Variants in FOXP1 observed in about 807,000 individuals in gnomAD.
The protein encoded by FOXP1 is forkhead box protein P1.
A neutral mutation model predicts 98.2 loss-of-function variants in FOXP1; 15 were observed. That is an observed-to-expected ratio of 0.15 (90% CI 0.10 to 0.24). The LOEUF is 0.24. Ranked by LOEUF, FOXP1 falls within the 10% of genes least tolerant of loss-of-function variation. The pLI is 1.00. For synonymous variants in FOXP1, 371 were observed against 314.5 expected, an observed-to-expected ratio of 1.18 and a Z score of -1.90; for missense variants, 633 against 848.5, an observed-to-expected ratio of 0.75 and a Z score of 3.15.
intron 19 of FOXP1, 48 bp from the exon 20 acceptor site, chr3:70,966,104 CAAGG>C (rs768432390): frequency 3.6e-5 from 54 of 1,488,426 alleles, no homozygotes; most frequent in Non-Finnish European, 5.1e-5. Context: ...GTATGTAAGA[CAAGG>C]AAACTACTAA....
chr3:71,548,814 A>C lies in FOXP1; in HGVS notation c.-298+32735T>G, dbSNP rs528078340. Among the ~76,000 whole-genome samples the C allele has an allele frequency of 9.2e-5, 14 of 152,160 alleles. No homozygotes were observed. In the South Asian group the frequency reaches 2.9e-3, roughly 32 times the overall value. On this transcript the variant is annotated intron_variant, in intron 2 of 20. Coordinates refer to ENST00000649528, the MANE Select transcript of FOXP1 (RefSeq NM_001349338.3). ...GTCAAAATAAAAAGACAAAGCTAAT[A>C]CTAATAAGAATCACTAATATTTCAT... is the stretch of plus-strand genomic sequence containing the variant.
chr3:71,324,323 T>C (rs955302303), intron 4 of FOXP1, among the ~76,000 whole-genome samples: 10 of 152,238 alleles, frequency 6.6e-5, no homozygotes, highest in Middle Eastern at 3.4e-3. Context: ...ACACGTATGT[T>C]TACTGAGGCA....
At chr3:71,410,084 CTCAG>C (rs1447831344) in intron 3 of FOXP1, among the ~76,000 whole-genome samples, 3 of 152,188 alleles carry the variant, frequency 2.0e-5, no homozygotes, top group Non-Finnish European at 2.9e-5. Flanking sequence ...TTTTACCTCT[CTCAG>C]TGTCAGCTCC....
chr3:70,973,326 C>T (rs1002777277), intron 17 of FOXP1, among the ~76,000 whole-genome samples: 15 of 141,460 alleles, frequency 1.1e-4, no homozygotes, highest in African/African-American at 2.8e-4. Flanking sequence ...CCCTAACTAT[C>T]GGCAAGTATT....
At chr3:71,038,188 T>A (rs2047862042) in intron 11 of FOXP1, among the ~76,000 whole-genome samples, 1 of 152,204 alleles carries the variant, frequency 6.6e-6, no homozygotes, top group South Asian at 2.1e-4. Context: ...GTTGAGATCA[T>A]TAGCCATCTC....
At chr3:71,269,933 G>A (rs1377060628) in intron 5 of FOXP1, among the ~76,000 whole-genome samples, 1 of 152,206 alleles carries the variant, frequency 6.6e-6, no homozygotes, top group Non-Finnish European at 1.5e-5. Flanking sequence ...CAATAAGTTA[G>A]AGGCAGGGGG....
intron 12 of FOXP1, among the ~76,000 whole-genome samples, chr3:71,008,962 G>C (rs1283178741): frequency 6.6e-6 from 1 of 152,088 alleles, no homozygotes; most frequent in East Asian, 1.9e-4. Flanking sequence ...TGACAGATGG[G>C]ATTTTTATCC....
chr3:71,342,264 G>A (rs968075772), intron 4 of FOXP1, among the ~76,000 whole-genome samples: 6 of 152,310 alleles, frequency 3.9e-5, no homozygotes, highest in East Asian at 1.9e-4. Context: ...GAAACCATGT[G>A]ATGTGGTCTG....
intron 6 of FOXP1, among the ~76,000 whole-genome samples, chr3:71,129,091 A>G (rs1163329427): frequency 6.6e-6 from 1 of 152,166 alleles, no homozygotes; most frequent in Non-Finnish European, 1.5e-5. Context: ...AAAACGAGCG[A>G]GCTGGGAAAT....
intron 3 of FOXP1, among the ~76,000 whole-genome samples, chr3:71,484,656 G>A (rs193280671): frequency 4.7e-4 from 72 of 152,244 alleles, no homozygotes; most frequent in Non-Finnish European, 6.8e-4. Context: ...TGACATGGTC[G>A]GGGTTACGGT....
chr3:71,582,664 C>G, intron 1 of FOXP1: 1 of 985,374 alleles, frequency 1.0e-6, no homozygotes, highest in Non-Finnish European at 1.2e-6. Flanking sequence ...CCGGGCGCGG[C>G]GACTCCTCGC....
At chr3:71,449,762 T>C (rs1231005654) in intron 3 of FOXP1, among the ~76,000 whole-genome samples, 2 of 152,236 alleles carry the variant, frequency 1.3e-5, no homozygotes, top group Non-Finnish European at 2.9e-5. Flanking sequence ...ATCTGACCAC[T>C]CGAATTGAGG....
intron 3 of FOXP1, among the ~76,000 whole-genome samples, chr3:71,439,991 A>AC (rs1404912816): frequency 6.6e-6 from 1 of 151,434 alleles, no homozygotes; most frequent in Admixed American, 6.6e-5. Flanking sequence ...ATCCTGCTGT[A>AC]ACAGGCACGT....
intron 2 of FOXP1, among the ~76,000 whole-genome samples, chr3:71,495,845 G>A (rs533100163): frequency 3.9e-5 from 6 of 152,264 alleles, no homozygotes; most frequent in African/African-American, 1.4e-4. Flanking sequence ...GACCATGCTG[G>A]TACTAACAAT....
At chr3:71,132,170 C>T (rs1005753933) in intron 6 of FOXP1, among the ~76,000 whole-genome samples, 1 of 152,210 alleles carries the variant, frequency 6.6e-6, no homozygotes, top group Admixed American at 6.5e-5. Context: ...AGGCACACAG[C>T]CTGGGCGCCA....
intron 3 of FOXP1, among the ~76,000 whole-genome samples, chr3:71,424,162 G>A (rs1048349785): frequency 6.6e-5 from 10 of 152,060 alleles, no homozygotes; most frequent in Admixed American, 3.9e-4. Context: ...AAAGAACTGC[G>A]CTGAAGGATG....
intron 2 of FOXP1, among the ~76,000 whole-genome samples, chr3:71,535,863 A>G (rs1179762754): frequency 6.6e-6 from 1 of 152,144 alleles, no homozygotes; most frequent in Non-Finnish European, 1.5e-5. Context: ...CTTCTAATAC[A>G]CACAACGCCT....
chr3:70,962,593 T>C (rs759744946), intron 20 of FOXP1, among the ~76,000 whole-genome samples: 1 of 152,260 alleles, frequency 6.6e-6, no homozygotes, highest in Non-Finnish European at 1.5e-5. Context: ...TTTCAAACTT[T>C]CATTGTTGAG....
chr3:71,291,844 C>T (rs2072783003), intron 5 of FOXP1, among the ~76,000 whole-genome samples: 1 of 151,446 alleles, frequency 6.6e-6, no homozygotes, highest in African/African-American at 2.4e-5. Context: ...GTAGCTGGGA[C>T]TACAGGTGTG....
Sources: gnomAD v4.1 joint callset for allele counts (sites outside exome capture counted in the v4.1 genomes callset) on GRCh38, gnomAD v4.1.1 for gene constraint, MANE v1.5 for transcripts, NCBI Gene and HGNC (gene_info 2026-07-23, HGNC 2026-07-21) for gene names.